The following TENM4 variants were observed in gnomAD, a reference collection of about 807,000 sequenced individuals.
The protein encoded by TENM4 is teneurin transmembrane protein 4.
A neutral mutation model predicts 243.3 loss-of-function variants in TENM4; 82 were observed. The ratio of observed to expected loss-of-function variants is 0.34; its 90% CI spans 0.28 to 0.40. The LOEUF (loss-of-function observed/expected upper bound fraction) is 0.40. Among genes scored for constraint, TENM4 ranks in the 10% least tolerant of loss-of-function variants. TENM4 has a pLI of 1.00. For synonymous variants in TENM4, 1,412 were observed against 1,456.3 expected, an observed-to-expected ratio of 0.97 and a Z score of 0.69; for missense variants, 3,138 against 3,673.3, an observed-to-expected ratio of 0.85 and a Z score of 3.77.
chr11:78,879,874 T>G (rs1236799049), intron 9 of TENM4, among the ~76,000 whole-genome samples: 1 of 151,892 alleles, frequency 6.6e-6, no homozygotes, highest in African/African-American at 2.4e-5. Context: ...GAGGAGCACC[T>G]CTGCCTGGCT....
At position 78,708,431 on chromosome 11, in the gene TENM4, G is replaced by T. The variant is rs777267487; in HGVS notation, c.4139C>A (p.Thr1380Asn). The change falls in exon 27 of 34, where the codon ACC (threonine) becomes AAC (asparagine). Residue 1380 changes from threonine (T) to asparagine (N), a missense_variant. Thr to Asn is a moderately conservative substitution (Grantham distance 65). Coordinates refer to ENST00000278550, the MANE Select transcript of TENM4 (RefSeq NM_001098816.3). ...TGTGAGATCATTAGAGCCGAGCAGG[G>T]TGGAGATGATCCCATTCTGATCGAT... is the stretch of plus-strand genomic sequence containing the variant. ...RRIDQNGIIS[T>N]LLGSNDLTSA... is the part of the protein sequence containing the mutation. 1.2e-5 allele frequency: 20 copies of T among 1,613,942 alleles called. No homozygotes were observed. Among genetic ancestry groups the T allele is most frequent in the Non-Finnish European group, 1.5e-5 (18 of 1,179,914 alleles).
At chr11:78,720,097 A>G (rs559705688) in intron 25 of TENM4, among the ~76,000 whole-genome samples, 41 of 152,340 alleles carry the variant, frequency 2.7e-4, no homozygotes, top group Admixed American at 2.0e-3. Context: ...TAGCATTCAA[A>G]TTACTATTCC....
chr11:79,399,025 G>A (rs1012560898), intron 1 of TENM4, among the ~76,000 whole-genome samples: 2 of 152,180 alleles, frequency 1.3e-5, no homozygotes, highest in African/African-American at 4.8e-5. Flanking sequence ...TGCTAGGCCT[G>A]GCTGCCATGC....
At chr11:79,210,207 A>T (rs1334817509) in intron 3 of TENM4, among the ~76,000 whole-genome samples, 1 of 152,136 alleles carries the variant, frequency 6.6e-6, no homozygotes, top group Non-Finnish European at 1.5e-5. Flanking sequence ...CCCAGTTCTC[A>T]TCGCCAGCCA....
chr11:79,113,984 C>T (rs1861566117), intron 4 of TENM4, among the ~76,000 whole-genome samples: 1 of 152,160 alleles, frequency 6.6e-6, no homozygotes, highest in South Asian at 2.1e-4. Flanking sequence ...TGTGATCATT[C>T]TCCCATCAGA....
intron 6 of TENM4, among the ~76,000 whole-genome samples, chr11:78,987,980 G>A (rs1438696698): frequency 2.0e-5 from 3 of 152,192 alleles, no homozygotes. Context: ...CATGTAAGGT[G>A]TAGCCAGGTT....
chr11:79,160,510 G>A (rs1406999322), intron 3 of TENM4, among the ~76,000 whole-genome samples: 1 of 152,012 alleles, frequency 6.6e-6, no homozygotes, highest in Non-Finnish European at 1.5e-5. Flanking sequence ...AGATGGAGAT[G>A]GGGGCATCTC....
At position 78,805,401 on chromosome 11, in the gene TENM4, C is replaced by A; in HGVS notation, c.2070G>T (p.Glu690Asp). The change falls in exon 15 of 34, where the codon GAG (glutamate) becomes GAT (aspartate). Residue 690 changes from glutamate to aspartate, a missense_variant. Glu to Asp is a conservative substitution (Grantham distance 45). Around this residue, in one of 2 missense-constraint regions of TENM4, gnomAD observed 2,467 missense variants for 3,059.1 expected, o/e 0.81. Coordinates refer to ENST00000278550, the MANE Select transcript of TENM4 (RefSeq NM_001098816.3). ...CSVGWGGTNC[E>D]TPRATCLDQC... is the part of the protein sequence containing the mutation. ...GGTCTAAGCATGTGGCCCTGGGGGT[C>A]TCGCAGTTGGTGCCTCCCCATCCCA... 1 of 1,604,796 alleles carries A rather than the reference C, an allele frequency of 6.2e-7. No homozygotes were observed. Among genetic ancestry groups the A allele is most frequent in the Non-Finnish European group, 8.5e-7 (1 of 1,175,956 alleles).
At chr11:78,732,791 T>C (rs1196901672) in intron 20 of TENM4, among the ~76,000 whole-genome samples, 3 of 152,164 alleles carry the variant, frequency 2.0e-5, no homozygotes, top group East Asian at 3.9e-4. Context: ...ATGATTCACA[T>C]AGAGAATTTG....
At chr11:79,262,069 A>C (rs914784108) in intron 2 of TENM4, among the ~76,000 whole-genome samples, 1 of 152,180 alleles carries the variant, frequency 6.6e-6, no homozygotes. Flanking sequence ...AAAGCCTCAG[A>C]GCTAGGAGTC....
chr11:79,152,177 T>C (rs1862524126), intron 3 of TENM4, among the ~76,000 whole-genome samples: 1 of 152,190 alleles, frequency 6.6e-6, no homozygotes, highest in Admixed American at 6.5e-5. Flanking sequence ...CTGTGTTCCA[T>C]GGTTCACAAA....
intron 2 of TENM4, among the ~76,000 whole-genome samples, chr11:79,246,991 A>G (rs1163215229): frequency 7.9e-6 from 1 of 127,158 alleles, no homozygotes; most frequent in Non-Finnish European, 1.7e-5. Flanking sequence ...TTCTCAAAAA[A>G]AAAAAAACAC....
chr11:78,691,987 A>G (rs1359662848), intron 28 of TENM4, among the ~76,000 whole-genome samples: 1 of 152,050 alleles, frequency 6.6e-6, no homozygotes, highest in Non-Finnish European at 1.5e-5. Flanking sequence ...GGCCCCGCAC[A>G]CCTTTGCCCT....
At chr11:79,328,085 C>A (rs1031489603) in intron 1 of TENM4, among the ~76,000 whole-genome samples, 4 of 152,172 alleles carry the variant, frequency 2.6e-5, no homozygotes, top group Middle Eastern at 3.2e-3. Context: ...CAAAACATTT[C>A]TCTTTCAGAC....
At chr11:78,894,897 G>A (rs1160694176) in intron 7 of TENM4, among the ~76,000 whole-genome samples, 1 of 151,062 alleles carries the variant, frequency 6.6e-6, no homozygotes, top group Non-Finnish European at 1.5e-5. Context: ...GGGAGGCTGA[G>A]GTGGGAGGAT....
At chr11:79,020,594 T>G (rs1858900418) in intron 6 of TENM4, among the ~76,000 whole-genome samples, 1 of 140,382 alleles carries the variant, frequency 7.1e-6, no homozygotes, top group Admixed American at 6.8e-5. Flanking sequence ...AACCCTGGAA[T>G]GTAAATGCAA....
At chr11:79,081,580 G>A (rs2137029849) in intron 4 of TENM4, among the ~76,000 whole-genome samples, 1 of 132,176 alleles carries the variant, frequency 7.6e-6, no homozygotes, top group East Asian at 2.4e-4. Context: ...CATGCTTAAT[G>A]GCTGCTGGCC....
intron 1 of TENM4, among the ~76,000 whole-genome samples, chr11:79,358,514 C>T (rs772173592): frequency 2.0e-5 from 3 of 152,072 alleles, no homozygotes; most frequent in Non-Finnish European, 4.4e-5. Flanking sequence ...GTATGCATAG[C>T]GTGATCACAG....
At chr11:79,067,312 C>T (rs111912807) in intron 5 of TENM4, among the ~76,000 whole-genome samples, 1 of 152,164 alleles carries the variant, frequency 6.6e-6, no homozygotes, top group Non-Finnish European at 1.5e-5. Context: ...CTAAATTCCT[C>T]AGTCGGCTTC....
Sources: gnomAD v4.1 joint callset for allele counts (sites outside exome capture counted in the v4.1 genomes callset) on GRCh38, gnomAD v4.1.1 for gene constraint, gnomAD v4.1.1 regional missense constraint, MANE v1.5 for transcripts, NCBI Gene and HGNC (gene_info 2026-07-23, HGNC 2026-07-21) for gene names.